Variants in LRIG1 observed in about 807,000 individuals in gnomAD.
LRIG1 encodes leucine-rich repeats and immunoglobulin-like domains protein 1.
LRIG1 carries 48 observed loss-of-function variants against 99.2 expected under a neutral mutation model. The observed-to-expected ratio is 0.48, with a 90% CI of 0.38 to 0.62. The LOEUF is 0.62. Among genes scored for constraint, LRIG1 ranks in the 20% least tolerant of loss-of-function variants. The probability of loss-of-function intolerance (pLI) is 0.00; values close to 1 mark genes in which losing one functional copy is unlikely to be tolerated. For missense variants in LRIG1, 1,646 were observed against 1,434.4 expected (o/e 1.15, Z -2.38); for synonymous variants, 772 against 596.1 (o/e 1.29, Z -4.30).
Position 66,380,859 on chromosome 3 carries a change from G to A in LRIG1, c.2773C>T (p.His925Tyr). The change falls in exon 18 of 19, where the codon CAC becomes TAC. Residue 925 changes from histidine (H) to tyrosine (Y), a missense_variant and splice_region_variant. Physicochemically the swap from His to Tyr is moderately conservative, Grantham distance 83. Transcript: ENST00000273261. Reference protein sequence around the residue: ...EGTPGPHKMEHGGRVVCSDCN... With the variant: ...EGTPGPHKMEYGGRVVCSDCN... ...TCACTGCATACGACCCGGCCACCGT[G>A]TTCTGAAGGACAGCGCCAAAGATGG... The A allele has an allele frequency of 6.2e-7, 1 of 1,613,576 alleles. No homozygotes were observed. The highest frequency in any genetic ancestry group is 8.5e-7 in the Non-Finnish European group (1 of 1,179,506).
At chr3:66,384,667 C>G (rs1276565475) in intron 13 of LRIG1, among the ~76,000 whole-genome samples, 2 of 151,988 alleles carry the variant, frequency 1.3e-5, no homozygotes, top group Admixed American at 1.3e-4. Flanking sequence ...CATGCCTCCA[C>G]CTTGGGAGAG....
At chr3:66,413,805 G>C (rs1474920118) in intron 5 of LRIG1, among the ~76,000 whole-genome samples, 1 of 152,196 alleles carries the variant, frequency 6.6e-6, no homozygotes, top group Non-Finnish European at 1.5e-5. Flanking sequence ...GCAAAGTCTA[G>C]GACTCCCCAC....
rs571513298 is a variant in LRIG1 at position 66,470,433 on chromosome 3, T to C, written c.219-7924A>G. On this transcript the variant is annotated intron_variant, in intron 1 of 18. Transcript: ENST00000273261. Reference sequence around the variant, plus strand: ...GTCCTGGGAAACGAGGCCAGAAAAGTAAAATAAGGAATGGAGGGCATGGAG... The same window carrying C: ...GTCCTGGGAAACGAGGCCAGAAAAGCAAAATAAGGAATGGAGGGCATGGAG... 1.3e-5 allele frequency among the ~76,000 whole-genome samples: 2 copies of C among 151,874 alleles called. 1 individual carries two copies. Among genetic ancestry groups the C allele is most frequent in the South Asian group, 4.2e-4 (2 of 4,810 alleles).
At chr3:66,486,556 G>C (rs972581412) in intron 1 of LRIG1, among the ~76,000 whole-genome samples, 2 of 152,168 alleles carry the variant, frequency 1.3e-5, no homozygotes, top group Admixed American at 6.5e-5. Context: ...AAGAGCTCAA[G>C]ACAAACGCTT....
rs1278610229 is a variant in LRIG1 at position 66,500,666 on chromosome 3, C to T, written c.-259G>A. 1.8e-5 allele frequency: 5 copies of T among 283,558 alleles called. No homozygotes were observed. The highest frequency in any genetic ancestry group is 3.3e-5 in the Non-Finnish European group (5 of 153,264). 17.6% of individuals were successfully genotyped at this position (283,558 alleles called of 1,614,324 possible). ...CCGGCCCGCCCGCGCTAGCTGCGAACTCCGCCGATTCGGGCAAGGTGTACC... is the reference window on the plus strand; with the variant it reads ...CCGGCCCGCCCGCGCTAGCTGCGAATTCCGCCGATTCGGGCAAGGTGTACC... On this transcript the variant is annotated 5_prime_UTR_variant, in exon 1 of 19. Coordinates refer to ENST00000273261, the MANE Select transcript of LRIG1 (RefSeq NM_015541.3).
intron 1 of LRIG1, among the ~76,000 whole-genome samples, chr3:66,484,512 G>T (rs535420745): frequency 6.6e-6 from 1 of 152,190 alleles, no homozygotes; most frequent in Non-Finnish European, 1.5e-5. Flanking sequence ...GGGGAGAAAC[G>T]TTTAAGACAG....
intron 4 of LRIG1, 36 bp downstream of exon 4, chr3:66,417,093 C>T (rs772196616): frequency 6.8e-6 from 11 of 1,606,000 alleles, no homozygotes; most frequent in South Asian, 3.3e-5. Context: ...CTGGACACAG[C>T]GGGCCAGCCA....
At chr3:66,402,032 T>C (rs1028078350) in intron 9 of LRIG1, among the ~76,000 whole-genome samples, 8 of 151,864 alleles carry the variant, frequency 5.3e-5, no homozygotes, top group African/African-American at 1.9e-4. Flanking sequence ...GGCCCCCACA[T>C]AGGCAGGGAT....
chr3:66,492,306 C>G (rs1443515368), intron 1 of LRIG1, among the ~76,000 whole-genome samples: 2 of 152,080 alleles, frequency 1.3e-5, no homozygotes, highest in African/African-American at 4.8e-5. Flanking sequence ...CCAAGATAAG[C>G]AGTAAAATAT....
chr3:66,422,251 C>G (rs550321938), intron 3 of LRIG1, among the ~76,000 whole-genome samples: 1 of 152,352 alleles, frequency 6.6e-6, no homozygotes, highest in African/African-American at 2.4e-5. Flanking sequence ...GCTTGAATTT[C>G]TCCTCAGAAA....
chr3:66,423,496 G>A (rs1160454799), intron 3 of LRIG1, among the ~76,000 whole-genome samples: 1 of 152,146 alleles, frequency 6.6e-6, no homozygotes, highest in Non-Finnish European at 1.5e-5. Context: ...GCTTGAACCT[G>A]GGAGGCAGAG....
chr3:66,382,854 G>A, intron 15 of LRIG1, 128 bp downstream of exon 15: 1 of 790,524 alleles, frequency 1.3e-6, no homozygotes, highest in South Asian at 1.9e-5. Flanking sequence ...TGGAATTAGT[G>A]GGACTAAACC....
rs75977480 is a variant in LRIG1, at chr3:66,440,248, C to T, written c.365+11311G>A. On this transcript the variant is annotated intron_variant, in intron 3 of 18. Transcript: ENST00000273261. ...CCCTCTGCTCCCCAGCCCACTAACT[C>T]GAGGTTTTGATTTAACTGCCCTGAG... Among the ~76,000 whole-genome samples the T allele has an allele frequency of 6.5e-3, 995 of 152,226 alleles. 12 individuals carry two copies. The highest frequency in any genetic ancestry group is 0.022 in the African/African-American group (915 of 41,546).
intron 14 of LRIG1, 43 bp downstream of exon 14, chr3:66,383,948 T>TCACTCACA: frequency 6.6e-7 from 1 of 1,520,814 alleles, no homozygotes; most frequent in Admixed American, 1.8e-5. Context: ...TCTCTCTCGC[T>TCACTCACA]CACACACACA....
At chr3:66,454,415 T>C (rs1704002990) in intron 2 of LRIG1, among the ~76,000 whole-genome samples, 1 of 152,136 alleles carries the variant, frequency 6.6e-6, no homozygotes, top group Non-Finnish European at 1.5e-5. Context: ...AGAGTCTCCA[T>C]GAATAAAGAA....
intron 3 of LRIG1, among the ~76,000 whole-genome samples, chr3:66,426,917 T>A (rs1214252323): frequency 2.0e-5 from 3 of 152,210 alleles, no homozygotes; most frequent in Non-Finnish European, 4.4e-5. Flanking sequence ...GAGTGTGGAC[T>A]CTCACCGAAA....
chr3:66,387,138 G>A (rs1701414252), intron 12 of LRIG1: 1 of 150,548 alleles, frequency 6.6e-6, no homozygotes, highest in Non-Finnish European at 1.5e-5. Context: ...AGTAGCCACT[G>A]TTCAACAGCG....
At chr3:66,403,235 C>A (rs2107995380) in intron 9 of LRIG1, among the ~76,000 whole-genome samples, 1 of 152,272 alleles carries the variant, frequency 6.6e-6, no homozygotes, top group East Asian at 1.9e-4. Flanking sequence ...ATACCATTTT[C>A]TTTATCCAAG....
intron 12 of LRIG1, chr3:66,386,982 A>T (rs1411581907): frequency 1.3e-5 from 2 of 150,934 alleles, no homozygotes; most frequent in African/African-American, 4.9e-5. Context: ...TGGGCTCCCC[A>T]AAAGCCCCAT....
Sources: allele counts gnomAD v4.1 joint callset (sites outside exome capture counted in the v4.1 genomes callset), GRCh38; gene constraint gnomAD v4.1.1; transcripts MANE v1.5; gene names NCBI Gene and HGNC (gene_info 2026-07-23, HGNC 2026-07-21).